Variants in ADARB2 observed in about 807,000 individuals in gnomAD.
The protein encoded by ADARB2 is inactive double-stranded RNA-specific editase B2.
Under a neutral mutation model 62.2 loss-of-function variants are expected in ADARB2, and 25 were observed. The ratio of observed to expected loss-of-function variants is 0.40; its 90% confidence interval spans 0.29 to 0.56. ADARB2 has a LOEUF of 0.56. Among genes scored for constraint, ADARB2 ranks in the 20% least tolerant of loss-of-function variants. The pLI is 0.43. For synonymous variants in ADARB2, 572 were observed against 500.8 expected (o/e 1.14, Z -1.90); for missense variants, 1,071 against 1,077.4 (o/e 0.99, Z 0.08).
chr10:1,686,690 A>G (rs1834600671), intron 1 of ADARB2, among the ~76,000 whole-genome samples: 1 of 151,252 alleles, frequency 6.6e-6, no homozygotes, highest in Non-Finnish European at 1.5e-5. Context: ...ATTAAGTTGT[A>G]GACACTTTAA....
chr10:1,554,334 A>G (rs1194629319), intron 1 of ADARB2, among the ~76,000 whole-genome samples: 1 of 152,172 alleles, frequency 6.6e-6, no homozygotes. Context: ...TCCTAGGATT[A>G]AATTCCCTCT....
In ADARB2 at chr10:1,320,517, C is replaced by A. The variant is rs566837614; in HGVS notation, c.1077+42511G>T. 1.2e-4 allele frequency among the ~76,000 whole-genome samples: 18 copies of A among 152,284 alleles called. No individual in the cohort carries two copies. In the South Asian group the frequency reaches 3.7e-3, roughly 32 times the overall value. ...TCTCCTTGGTGAAGGCAAAGTGCCC[C>A]CTCTCAGGCTAAGAAAAACCATTGG... is the stretch of plus-strand genomic sequence containing the variant. On this transcript the variant is annotated intron_variant, in intron 3 of 9. Transcript: ENST00000381312.
intron 1 of ADARB2, among the ~76,000 whole-genome samples, chr10:1,558,967 G>A (rs1180877161): frequency 6.6e-6 from 1 of 152,226 alleles, no homozygotes; most frequent in Non-Finnish European, 1.5e-5. Context: ...TGGACTCAAA[G>A]CCTGGCACAT....
intron 3 of ADARB2, among the ~76,000 whole-genome samples, chr10:1,317,401 G>T (rs1471879587): frequency 1.3e-5 from 2 of 152,196 alleles, no homozygotes; most frequent in Non-Finnish European, 2.9e-5. Flanking sequence ...ATAGTCGATT[G>T]TCTTCGTAAG....
chr10:1,379,322 G>T (rs1304559639), intron 1 of ADARB2, among the ~76,000 whole-genome samples, 162 bp from the exon 2 acceptor site: 1 of 152,058 alleles, frequency 6.6e-6, no homozygotes, highest in Non-Finnish European at 1.5e-5. Flanking sequence ...ATATCTGACA[G>T]CATTTTATCA....
intron 1 of ADARB2, among the ~76,000 whole-genome samples, chr10:1,712,704 G>T (rs1218744549): frequency 7.2e-6 from 1 of 138,458 alleles, no homozygotes; most frequent in East Asian, 2.2e-4. Context: ...TGCCTCCCGG[G>T]TTCACGCCAT....
At chr10:1,308,403 G>A (rs980630168) in intron 3 of ADARB2, among the ~76,000 whole-genome samples, 2 of 152,224 alleles carry the variant, frequency 1.3e-5, no homozygotes, top group African/African-American at 4.8e-5. Context: ...CTGGCTTACT[G>A]AAGGGCGTTT....
At chr10:1,375,906 A>G (rs1296695278) in intron 2 of ADARB2, among the ~76,000 whole-genome samples, 4 of 146,864 alleles carry the variant, frequency 2.7e-5, no homozygotes, top group Non-Finnish European at 6.0e-5. Flanking sequence ...ACGTGCACAT[A>G]CCACACTTGC....
At chr10:1,267,114 A>G (rs958990185) in intron 4 of ADARB2, among the ~76,000 whole-genome samples, 9 of 151,654 alleles carry the variant, frequency 5.9e-5, no homozygotes, top group African/African-American at 1.5e-4. Context: ...GCTCACACCT[A>G]AACATATTCT....
intron 1 of ADARB2, among the ~76,000 whole-genome samples, chr10:1,656,782 C>A (rs1035671704): frequency 6.6e-6 from 1 of 151,878 alleles, no homozygotes; most frequent in Admixed American, 6.6e-5. Flanking sequence ...TTTAATGTGC[C>A]TATTATATAT....
intron 1 of ADARB2, among the ~76,000 whole-genome samples, chr10:1,540,132 G>A (rs1432768263): frequency 1.3e-5 from 2 of 152,150 alleles, no homozygotes; most frequent in East Asian, 1.9e-4. Flanking sequence ...TCAAGGCCCC[G>A]ATTCTCAACA....
At chr10:1,529,942 T>TTGCTCCCGCCACCGCAGGCACCCATA (rs1564318824) in intron 1 of ADARB2, among the ~76,000 whole-genome samples, 317 of 19,862 alleles carry the variant, frequency 0.016, 1 homozygote, top group African/African-American at 0.025. Context: ...AGGGACCCAT[T>TTGCTCCCGCCACCGCAGGCACCCATA]CACTGCCCCT....
intron 1 of ADARB2, among the ~76,000 whole-genome samples, chr10:1,558,408 C>T (rs1233848586): frequency 2.2e-5 from 3 of 134,584 alleles, no homozygotes; most frequent in African/African-American, 5.8e-5. Flanking sequence ...CCTCTGCCCC[C>T]CTCCGTGGGT....
At chr10:1,669,104 G>A (rs2119098391) in intron 1 of ADARB2, among the ~76,000 whole-genome samples, 1 of 152,302 alleles carries the variant, frequency 6.6e-6, no homozygotes, top group South Asian at 2.1e-4. Context: ...CCTACTGCCT[G>A]CCTAATGTCA....
intron 1 of ADARB2, among the ~76,000 whole-genome samples, chr10:1,717,779 T>G (rs766736813): frequency 6.6e-6 from 1 of 152,082 alleles, no homozygotes; most frequent in Non-Finnish European, 1.5e-5. Context: ...GGTTTCGTCA[T>G]GTAGGCTAGG....
Position 1,704,825 on chromosome 10 carries a change from C to T in ADARB2, c.100+32226G>A, listed in dbSNP as rs149254842. ...TTAAAGGGGCAGGGAGTATTGAGAA[C>T]GGTGAGCTTGCATATGCCAGCCTGA... On this transcript the variant is annotated intron_variant, in intron 1 of 9. Coordinates refer to ENST00000381312, the MANE Select transcript of ADARB2 (RefSeq NM_018702.4). The surrounding 1 kb of genome is among the most constrained non-coding windows in gnomAD (Gnocchi z 5.6). Among the ~76,000 whole-genome samples the T allele has an allele frequency of 1.1e-4, 17 of 152,216 alleles. No homozygotes were observed. Among genetic ancestry groups the T allele is most frequent in the East Asian group, 9.7e-4 (5 of 5,178 alleles).
chr10:1,521,092 C>T (rs1351143419), intron 1 of ADARB2, among the ~76,000 whole-genome samples: 4 of 152,180 alleles, frequency 2.6e-5, no homozygotes, highest in East Asian at 1.9e-4. Flanking sequence ...GGAATTAATA[C>T]TCCCATGTGC....
chr10:1,550,616 C>T (rs1164173994), intron 1 of ADARB2, among the ~76,000 whole-genome samples: 1 of 152,218 alleles, frequency 6.6e-6, no homozygotes, highest in Non-Finnish European at 1.5e-5. Flanking sequence ...TGCAGCCACA[C>T]AGACCGACAC....
At chr10:1,461,087 C>T (rs1199111616) in intron 1 of ADARB2, among the ~76,000 whole-genome samples, 1 of 152,240 alleles carries the variant, frequency 6.6e-6, no homozygotes, top group African/African-American at 2.4e-5. Context: ...GTAGTCAACG[C>T]AATCAACTTC....
Sources: gnomAD v4.1 joint callset for allele counts (sites outside exome capture counted in the v4.1 genomes callset) on GRCh38, gnomAD v4.1.1 for gene constraint, Gnocchi (gnomAD v3.1) non-coding constraint, MANE v1.5 for transcripts, NCBI Gene and HGNC (gene_info 2026-07-23, HGNC 2026-07-21) for gene names.